EYA4: variants seen among roughly 807,000 people sequenced by gnomAD.
EYA4 encodes EYA transcriptional coactivator and phosphatase 4, also known as protein phosphatase EYA4.
Under a neutral mutation model 87.9 loss-of-function variants are expected in EYA4, and 31 were observed. That is an observed-to-expected ratio of 0.35 (90% CI 0.27 to 0.48). The LOEUF (loss-of-function observed/expected upper bound fraction) is 0.48, where lower values mean the gene tolerates loss of function less well. Ranked by LOEUF, EYA4 falls within the 20% of genes least tolerant of loss-of-function variation. EYA4 has a pLI of 0.99. For synonymous variants in EYA4, 263 were observed against 270.6 expected, an observed-to-expected ratio of 0.97 and a Z score of 0.28; for missense variants, 678 against 761.4, an observed-to-expected ratio of 0.89 and a Z score of 1.29.
chr6:133,412,750 C>T (rs1413428252), intron 3 of EYA4, among the ~76,000 whole-genome samples: 1 of 152,144 alleles, frequency 6.6e-6, no homozygotes. Flanking sequence ...CCTTTTCAAC[C>T]ACTAATCTTC....
At position 133,481,470 on chromosome 6, in the gene EYA4, C is replaced by T. The variant is rs773095472; in HGVS notation, c.978C>T (p.Phe326=). 38 of 1,613,400 alleles carry T rather than the reference C, an allele frequency of 2.4e-5. No homozygotes were observed. The highest frequency in any genetic ancestry group is 1.6e-4 in the Middle Eastern group (1 of 6,076). ...AAGTCATGTTATCTATAGGAGAGTTCGATACCATGCAGAGTCCCTCCACAC... is the reference window on the plus strand; with the variant it reads ...AAGTCATGTTATCTATAGGAGAGTTTGATACCATGCAGAGTCCCTCCACAC... ...LPGLTNQPGE[F]DTMQSPSTPI... Residue 326 remains phenylalanine, a synonymous_variant, in exon 12 of 20, where the codon TTC becomes TTT. Transcript: ENST00000355286.
At chr6:133,434,367 A>G (rs1247123207) in intron 3 of EYA4, among the ~76,000 whole-genome samples, 2 of 152,258 alleles carry the variant, frequency 1.3e-5, no homozygotes, top group African/African-American at 4.8e-5. Context: ...TCTTGACACT[A>G]CAAGTTTTCA....
At chr6:133,466,210 A>G (rs1794826072) in intron 10 of EYA4, among the ~76,000 whole-genome samples, 1 of 152,156 alleles carries the variant, frequency 6.6e-6, no homozygotes, top group Non-Finnish European at 1.5e-5. Context: ...GCAGAGTTGT[A>G]CTATAAAGGA....
chr6:133,416,290 C>G (rs1789706675), intron 3 of EYA4, among the ~76,000 whole-genome samples: 1 of 152,136 alleles, frequency 6.6e-6, no homozygotes, highest in Non-Finnish European at 1.5e-5. Context: ...AAAGGACTGA[C>G]TCATAAAAGT....
chr6:133,488,964 T>C (rs1040522949), intron 13 of EYA4, among the ~76,000 whole-genome samples: 6 of 152,178 alleles, frequency 3.9e-5, no homozygotes, highest in African/African-American at 1.2e-4. Context: ...ACCTTTCCGA[T>C]AGAGAATTCA....
chr6:133,386,094 G>C (rs1786725772), intron 3 of EYA4, among the ~76,000 whole-genome samples: 2 of 151,820 alleles, frequency 1.3e-5, no homozygotes, highest in Admixed American at 6.6e-5. Context: ...ATGTACTATT[G>C]TTCCTAAACT....
At chr6:133,288,469 G>A (rs764486092) in intron 2 of EYA4, among the ~76,000 whole-genome samples, 4 of 152,152 alleles carry the variant, frequency 2.6e-5, no homozygotes, top group Non-Finnish European at 2.9e-5. Context: ...CCTAGAAGAT[G>A]TCATTAATAG....
intron 3 of EYA4, among the ~76,000 whole-genome samples, chr6:133,426,778 C>T (rs1174052535): frequency 6.6e-6 from 1 of 152,186 alleles, no homozygotes; most frequent in African/African-American, 2.4e-5. Flanking sequence ...CCCTTGTCCT[C>T]TCTTCCCATC....
At chr6:133,407,436 T>C (rs939243042) in intron 3 of EYA4, among the ~76,000 whole-genome samples, 1 of 152,094 alleles carries the variant, frequency 6.6e-6, no homozygotes, top group Non-Finnish European at 1.5e-5. Context: ...GGGCTTTGGC[T>C]GTTACTCACT....
chr6:133,271,984 G>A (rs1364343476), intron 1 of EYA4, among the ~76,000 whole-genome samples: 3 of 152,110 alleles, frequency 2.0e-5, no homozygotes, highest in South Asian at 2.1e-4. Context: ...TTCCAATCCC[G>A]CTTCTTCCAA....
At chr6:133,269,398 T>C (rs953151120) in intron 1 of EYA4, among the ~76,000 whole-genome samples, 9 of 152,210 alleles carry the variant, frequency 5.9e-5, no homozygotes, top group African/African-American at 2.2e-4. Context: ...AATGATGCTT[T>C]CCTAGTTTTG....
chr6:133,510,669 A>G (rs1251021921), intron 14 of EYA4: 1 of 198,528 alleles, frequency 5.0e-6, no homozygotes, highest in Non-Finnish European at 1.0e-5. Context: ...AGGGGAAGAC[A>G]TTTTCTAAAT....
chr6:133,450,228 G>T (rs1182550105), intron 5 of EYA4, among the ~76,000 whole-genome samples: 1 of 151,958 alleles, frequency 6.6e-6, no homozygotes, highest in Non-Finnish European at 1.5e-5. Flanking sequence ...TTCGTGATCG[G>T]CCCGCCTCAG....
At chr6:133,453,169 A>G (rs1417689111) in intron 5 of EYA4, 2 of 152,098 alleles carry the variant, frequency 1.3e-5, no homozygotes, top group East Asian at 3.9e-4. Flanking sequence ...GATTTTTACA[A>G]GTTAGTAGTA....
intron 1 of EYA4, among the ~76,000 whole-genome samples, chr6:133,244,945 TAATC>T (rs1256465369): frequency 6.6e-6 from 1 of 152,136 alleles, no homozygotes; most frequent in Non-Finnish European, 1.5e-5. Flanking sequence ...AACTTTCAAA[TAATC>T]AAACTTATTT....
Position 133,367,977 on chromosome 6 carries a change from T to A in EYA4, c.34-14415T>A, listed in dbSNP as rs142321288. Among the ~76,000 whole-genome samples, 648 of 152,260 alleles carry A rather than the reference T, an allele frequency of 4.3e-3. 2 individuals are homozygous for A. The highest frequency in any genetic ancestry group is 0.015 in the African/African-American group (624 of 41,556). On this transcript the variant is annotated intron_variant, in intron 2 of 19. Coordinates refer to ENST00000355286, the MANE Select transcript of EYA4 (RefSeq NM_004100.5). ...GGAAACCTCTATGTTTGTTCCCAGGTCACATAATTAATTGGTGGCAGTATG... is the reference window on the plus strand; with the variant it reads ...GGAAACCTCTATGTTTGTTCCCAGGACACATAATTAATTGGTGGCAGTATG...
intron 3 of EYA4, among the ~76,000 whole-genome samples, chr6:133,443,229 A>G (rs1053374030): frequency 3.9e-5 from 6 of 151,924 alleles, no homozygotes; most frequent in Admixed American, 2.6e-4. Context: ...ACAGTAGCAA[A>G]AAAAGTTTGC....
intron 2 of EYA4, among the ~76,000 whole-genome samples, chr6:133,296,302 C>T (rs1331156867): frequency 6.6e-6 from 1 of 152,148 alleles, no homozygotes; most frequent in East Asian, 1.9e-4. Context: ...TTGGTCAGGA[C>T]GTTGGCTTTT....
At chr6:133,403,628 CA>C (rs1251659432) in intron 3 of EYA4, among the ~76,000 whole-genome samples, 1 of 152,038 alleles carries the variant, frequency 6.6e-6, no homozygotes, top group Non-Finnish European at 1.5e-5. Context: ...TGATATCAAG[CA>C]ATATTTATTT....
Sources: gnomAD v4.1 joint callset for allele counts (sites outside exome capture counted in the v4.1 genomes callset) on GRCh38, gnomAD v4.1.1 for gene constraint, MANE v1.5 for transcripts, NCBI Gene and HGNC (gene_info 2026-07-23, HGNC 2026-07-21) for gene names.